TCP11L1: variants seen among roughly 807,000 people sequenced by gnomAD.
The protein encoded by TCP11L1 is t-complex 11 like 1.
TCP11L1 carries 28 observed loss-of-function variants against 48.9 expected under a neutral mutation model. The ratio of observed to expected loss-of-function variants is 0.57; its 90% CI spans 0.42 to 0.78. The LOEUF (loss-of-function observed/expected upper bound fraction) is 0.78. Among genes scored for constraint, TCP11L1 ranks in the 30% least tolerant of loss-of-function variants. The pLI is 0.00. For missense variants in TCP11L1, 505 were observed against 613.4 expected (o/e 0.82, Z 1.87); for synonymous variants, 204 against 231.9 (o/e 0.88, Z 1.09).
rs143565556 is a variant in TCP11L1 at position 33,068,270 on chromosome 11, C to T, written c.1155-417C>T. 3.0e-4 allele frequency among the ~76,000 whole-genome samples: 46 copies of T among 152,320 alleles called. No individual in the cohort carries two copies. In the East Asian group the frequency reaches 8.3e-3, roughly 27 times the overall value. On this transcript the variant is annotated intron_variant, in intron 8 of 9. Coordinates refer to ENST00000334274, the MANE Select transcript of TCP11L1 (RefSeq NM_018393.4). ...TAATACATGTGTATGTTTCAAAAAT[C>T]AAAAGGTACAAAAGGGCATCCAATG... is the stretch of plus-strand genomic sequence containing the variant.
chr11:33,057,058 T>A, intron 3 of TCP11L1, 57 bp from the exon 4 acceptor site: 1 of 1,610,484 alleles, frequency 6.2e-7, no homozygotes, highest in African/African-American at 1.3e-5. Flanking sequence ...TTGAAAGTGA[T>A]TTGAAACTCA....
chr11:33,072,034 C>T (rs1564990941), intron 9 of TCP11L1, among the ~76,000 whole-genome samples: 1 of 149,076 alleles, frequency 6.7e-6, no homozygotes, highest in African/African-American at 2.6e-5. Context: ...TTAGTAGAGA[C>T]GGGGCTTCAC....
At position 33,072,988 on chromosome 11, in the gene TCP11L1, T is replaced by C; in HGVS notation, c.*312T>C. Reference sequence around the variant, plus strand: ...GTCCTTCCAAGGAGGCTGGGACCTCTCTCTTCTGCAATCTGGGTAGTTCTT... The same window carrying C: ...GTCCTTCCAAGGAGGCTGGGACCTCCCTCTTCTGCAATCTGGGTAGTTCTT... On this transcript the variant is annotated 3_prime_UTR_variant, in exon 10 of 10. Coordinates refer to ENST00000334274, the MANE Select transcript of TCP11L1 (RefSeq NM_018393.4). The C allele has an allele frequency of 2.8e-6, 1 of 359,306 alleles. No homozygotes were observed. Among genetic ancestry groups the C allele is most frequent in the Non-Finnish European group, 5.2e-6 (1 of 190,768 alleles). The allele number at this position is 359,306 out of a possible 1,614,324, so 22.3% of individuals were successfully genotyped here.
intron 1 of TCP11L1, among the ~76,000 whole-genome samples, chr11:33,042,290 A>G (rs1157613181): frequency 1.3e-5 from 2 of 151,808 alleles, no homozygotes; most frequent in African/African-American, 4.8e-5. Context: ...CCACCATGCC[A>G]GGCCAATTTT....
In TCP11L1 at chr11:33,068,671, C is replaced by G; in HGVS notation, c.1155-16C>G. 1.2e-6 allele frequency: 2 copies of G among 1,611,364 alleles called. No homozygotes were observed. Among genetic ancestry groups the G allele is most frequent in the South Asian group, 1.1e-5 (1 of 90,952 alleles). On this transcript the variant is annotated splice_polypyrimidine_tract_variant and intron_variant, in intron 8 of 9. Transcript: ENST00000334274. ...GTATTTTACTTATAGGCCCTTTCTC[C>G]CCTCCTCTGCCCCAGCTCCTTCCAT...
At chr11:33,061,352 G>T (rs1854460381) in intron 6 of TCP11L1, among the ~76,000 whole-genome samples, 178 bp from the exon 7 acceptor site, 1 of 152,184 alleles carries the variant, frequency 6.6e-6, no homozygotes, top group Non-Finnish European at 1.5e-5. Flanking sequence ...ATTATGACTT[G>T]CCTGAGATCC....
intron 2 of TCP11L1, among the ~76,000 whole-genome samples, chr11:33,051,556 T>A (rs1854162548): frequency 1.3e-5 from 2 of 151,748 alleles, no homozygotes; most frequent in South Asian, 2.1e-4. Flanking sequence ...TGAGACAGAG[T>A]ATTGCTCTGT....
Position 33,073,157 on chromosome 11 carries a change from T to G in TCP11L1, c.*481T>G, listed in dbSNP as rs1854845938. On this transcript the variant is annotated 3_prime_UTR_variant, in exon 10 of 10. Coordinates refer to ENST00000334274, the MANE Select transcript of TCP11L1 (RefSeq NM_018393.4). ...TTAGAAGGGCTATATAACGTCTTAT[T>G]GCCATTTTCTCCCCCTATTTATTGC... 1 of 156,594 alleles carries G rather than the reference T, an allele frequency of 6.4e-6. No homozygotes were observed. Among genetic ancestry groups the G allele is most frequent in the African/African-American group, 2.4e-5 (1 of 41,490 alleles). 9.7% of individuals were successfully genotyped at this position (156,594 alleles called of 1,614,324 possible).
intron 1 of TCP11L1, among the ~76,000 whole-genome samples, chr11:33,042,375 C>G (rs1391606663): frequency 6.6e-6 from 1 of 152,108 alleles, no homozygotes; most frequent in Non-Finnish European, 1.5e-5. Context: ...CATGATCCGC[C>G]TGTTTTAGGC....
At chr11:33,072,355 G>A (rs1854816879) in intron 9 of TCP11L1, 119 bp from the exon 10 acceptor site, 2 of 979,488 alleles carry the variant, frequency 2.0e-6, no homozygotes, top group Non-Finnish European at 1.6e-6. Flanking sequence ...ATCTGGTCTG[G>A]GAGTATTGAT....
intron 9 of TCP11L1, 140 bp from the exon 10 acceptor site, chr11:33,072,334 G>A (rs1015375829): frequency 1.6e-5 from 13 of 799,690 alleles, no homozygotes; most frequent in Non-Finnish European, 2.8e-5. Context: ...GAAGTGCAAG[G>A]TGCTGTGGGT....
Position 33,044,458 on chromosome 11 carries a change from C to T in TCP11L1, c.163+522C>T, listed in dbSNP as rs12420812. On this transcript the variant is annotated intron_variant, in intron 2 of 9. Coordinates refer to ENST00000334274, the MANE Select transcript of TCP11L1 (RefSeq NM_018393.4). ...CTCTTAAATGAAAGGGTGGCAATAT[C>T]TTCAGGCATTCCCAGTGGTTGCCTC... 3.5e-4 allele frequency among the ~76,000 whole-genome samples: 53 copies of T among 152,340 alleles called. No individual in the cohort carries two copies. The East Asian group carries it at 8.5e-3, about 24-fold the overall frequency.
chr11:33,072,544 T>C lies in TCP11L1; in HGVS notation c.1398T>C (p.Pro466=). 6.2e-7 allele frequency: 1 copy of C among 1,614,126 alleles called. No individual in the cohort carries two copies. The highest frequency in any genetic ancestry group is 8.5e-7 in the Non-Finnish European group (1 of 1,180,016). ...SGHQKPLPTV[P]GGLSPVQREL... is the part of the protein sequence containing the mutation. ...ATCAGAAGCCATTGCCCACAGTCCC[T>C]GGGGGACTCAGTCCAGTTCAGAGAG... Residue 466 remains proline, a synonymous_variant, in exon 10 of 10, where the codon CCT becomes CCC. Transcript: ENST00000334274.
At chr11:33,043,494 G>A (rs1853899068) in intron 1 of TCP11L1, among the ~76,000 whole-genome samples, 1 of 152,204 alleles carries the variant, frequency 6.6e-6, no homozygotes, top group Admixed American at 6.5e-5. Context: ...ATGCTACTTA[G>A]GAGTAGGACA....
chr11:33,048,288 CA>C (rs1271811539), intron 2 of TCP11L1, among the ~76,000 whole-genome samples: 3 of 152,020 alleles, frequency 2.0e-5, no homozygotes, highest in Non-Finnish European at 2.9e-5. Context: ...GCTGAGACTA[CA>C]AGTGTGCACC....
chr11:33,064,152 AG>A (rs1176959062), intron 7 of TCP11L1, among the ~76,000 whole-genome samples: 10 of 151,390 alleles, frequency 6.6e-5, no homozygotes, highest in Admixed American at 1.3e-4. Flanking sequence ...AAAAATAAAT[AG>A]AAAAGAAAAG....
intron 7 of TCP11L1, among the ~76,000 whole-genome samples, chr11:33,065,319 C>A (rs12795295): frequency 0.42 from 63,910 of 151,826 alleles, 13,752 homozygotes; most frequent in African/African-American, 0.51. Context: ...GCTGAAGTAC[C>A]AAGGTGCAAT....
intron 1 of TCP11L1, chr11:33,040,931 G>C (rs1853814029): frequency 6.6e-6 from 1 of 152,184 alleles, no homozygotes; most frequent in African/African-American, 2.4e-5. Context: ...ATTTCATAAT[G>C]CCACTTAAGT....
chr11:33,045,240 C>A (rs762760409), intron 2 of TCP11L1, among the ~76,000 whole-genome samples: 1 of 151,752 alleles, frequency 6.6e-6, no homozygotes, highest in Non-Finnish European at 1.5e-5. Context: ...ATAGTCCCAG[C>A]TACTTGTGGG....
Sources: gnomAD v4.1 joint callset for allele counts (sites outside exome capture counted in the v4.1 genomes callset) on GRCh38, gnomAD v4.1.1 for gene constraint, MANE v1.5 for transcripts, NCBI Gene and HGNC (gene_info 2026-07-23, HGNC 2026-07-21) for gene names.